GABRB1: variants seen among roughly 807,000 people sequenced by gnomAD.
The protein encoded by GABRB1 is gamma-aminobutyric acid receptor subunit beta-1.
In GABRB1, 17 loss-of-function variants were observed where a neutral mutation model predicts 51.6. That is an observed-to-expected ratio of 0.33 (90% CI 0.23 to 0.49). The LOEUF is 0.49. Among genes scored for constraint, GABRB1 ranks in the 20% least tolerant of loss-of-function variants. The pLI is 0.99. For synonymous variants in GABRB1, 247 were observed against 218.9 expected (o/e 1.13, Z -1.14); for missense variants, 410 against 600.6 (o/e 0.68, Z 3.32).
intron 3 of GABRB1, among the ~76,000 whole-genome samples, chr4:47,090,864 C>G (rs1332535033): frequency 1.3e-5 from 2 of 152,172 alleles, no homozygotes; most frequent in Non-Finnish European, 1.5e-5. Context: ...CTTCCCTACT[C>G]TTCTTTCATG....
intron 1 of GABRB1, among the ~76,000 whole-genome samples, chr4:47,019,051 G>A (rs1175164835): frequency 6.6e-6 from 1 of 152,044 alleles, no homozygotes; most frequent in Non-Finnish European, 1.5e-5. Context: ...GACATTTAAT[G>A]AGATCAAATG....
intron 1 of GABRB1, among the ~76,000 whole-genome samples, chr4:47,003,133 T>A (rs1027420017): frequency 4.6e-5 from 7 of 152,242 alleles, no homozygotes; most frequent in African/African-American, 1.4e-4. Flanking sequence ...ATTGTCTGAA[T>A]CTACTAAAGC....
chr4:47,360,613 T>G (rs1162558425), intron 5 of GABRB1, among the ~76,000 whole-genome samples: 2 of 152,130 alleles, frequency 1.3e-5, no homozygotes, highest in Non-Finnish European at 2.9e-5. Context: ...GAGCAAATCA[T>G]AATGCCTTTA....
intron 4 of GABRB1, among the ~76,000 whole-genome samples, chr4:47,244,975 G>A (rs1385097646): frequency 1.3e-5 from 2 of 151,972 alleles, no homozygotes; most frequent in African/African-American, 2.4e-5. Flanking sequence ...GCTAGCAGAA[G>A]GCAAGAAATA....
intron 4 of GABRB1, among the ~76,000 whole-genome samples, chr4:47,258,501 T>C (rs1372519582): frequency 1.3e-5 from 2 of 152,132 alleles, no homozygotes; most frequent in Non-Finnish European, 2.9e-5. Context: ...CCACCATCAA[T>C]TCCTAATAAT....
At chr4:47,305,881 G>T (rs1374193659) in intron 4 of GABRB1, among the ~76,000 whole-genome samples, 1 of 152,124 alleles carries the variant, frequency 6.6e-6, no homozygotes, top group African/African-American at 2.4e-5. Flanking sequence ...TTTAAAATAA[G>T]AGTGTAAGTG....
chr4:47,106,796 C>A (rs553794694), intron 3 of GABRB1, among the ~76,000 whole-genome samples: 1 of 152,068 alleles, frequency 6.6e-6, no homozygotes, highest in Non-Finnish European at 1.5e-5. Context: ...CAGACCTGTC[C>A]TACAATAAAT....
At chr4:47,190,446 C>T (rs138384388) in intron 4 of GABRB1, among the ~76,000 whole-genome samples, 3 of 152,060 alleles carry the variant, frequency 2.0e-5, no homozygotes, top group African/African-American at 7.2e-5. Context: ...GTGCTAACGG[C>T]TTTATGCACA....
At chr4:47,064,800 C>CA (rs1209617150) in intron 3 of GABRB1, among the ~76,000 whole-genome samples, 2 of 152,132 alleles carry the variant, frequency 1.3e-5, no homozygotes, top group Admixed American at 6.5e-5. Flanking sequence ...GATGCATCCT[C>CA]AAAGTCTAGA....
At chr4:47,041,337 T>C (rs1725826296) in intron 3 of GABRB1, among the ~76,000 whole-genome samples, 1 of 152,116 alleles carries the variant, frequency 6.6e-6, no homozygotes, top group Admixed American at 6.6e-5. Flanking sequence ...GGAAATCTAT[T>C]TAAGCAGTCT....
At chr4:47,269,452 C>A (rs1560306970) in intron 4 of GABRB1, among the ~76,000 whole-genome samples, 1 of 152,118 alleles carries the variant, frequency 6.6e-6, no homozygotes. Context: ...CAAATTAATT[C>A]TGTAAAATCA....
At chr4:47,101,097 C>T (rs1714700791) in intron 3 of GABRB1, among the ~76,000 whole-genome samples, 2 of 151,976 alleles carry the variant, frequency 1.3e-5, no homozygotes, top group Non-Finnish European at 2.9e-5. Context: ...GGAAGTTTTA[C>T]GTGGGCTCAT....
intron 1 of GABRB1, among the ~76,000 whole-genome samples, chr4:47,007,894 A>ATAT (rs1491436729): frequency 7.2e-4 from 24 of 33,412 alleles, no homozygotes; most frequent in Admixed American, 1.4e-3. Context: ...ATATATATAT[A>ATAT]AAATCAAGTT....
In GABRB1 at chr4:47,019,191, A is replaced by C. The variant is rs573106757; in HGVS notation, c.-19-12723A>C. Among the ~76,000 whole-genome samples the C allele has an allele frequency of 2.6e-5, 4 of 152,166 alleles. No individual in the cohort carries two copies. The South Asian group carries it at 8.3e-4, about 32-fold the overall frequency. On this transcript the variant is annotated intron_variant, in intron 1 of 3. Coordinates refer to the GABRB1 transcript ENST00000513567. Reference sequence around the variant, plus strand: ...ATGGCCTCATATTGGTTAATCTATCAACAATTTTTCCTAGATGCTCGGCCC... The same window carrying C: ...ATGGCCTCATATTGGTTAATCTATCCACAATTTTTCCTAGATGCTCGGCCC...
chr4:47,208,640 T>C (rs1280081174), intron 4 of GABRB1, among the ~76,000 whole-genome samples: 1 of 152,128 alleles, frequency 6.6e-6, no homozygotes, highest in Non-Finnish European at 1.5e-5. Flanking sequence ...AATGGATTTT[T>C]CTTAGGTTCA....
chr4:47,321,619 T>C (rs181499032), intron 5 of GABRB1, among the ~76,000 whole-genome samples: 6 of 152,320 alleles, frequency 3.9e-5, no homozygotes, highest in African/African-American at 1.4e-4. Flanking sequence ...CCCAATCATA[T>C]ACTAGTAGCT....
chr4:47,260,370 T>C (rs1328431429), intron 4 of GABRB1, among the ~76,000 whole-genome samples: 2 of 152,222 alleles, frequency 1.3e-5, no homozygotes. Flanking sequence ...CCTGTCATTA[T>C]GATGTTAGCT....
intron 5 of GABRB1, among the ~76,000 whole-genome samples, chr4:47,350,212 T>TAGAGAGAG (rs778764022): frequency 1.1e-3 from 97 of 85,606 alleles, no homozygotes; most frequent in South Asian, 5.9e-3. Flanking sequence ...TATATATATA[T>TAGAGAGAG]ATATATAGAG....
At chr4:47,055,546 AT>A (rs1726553413) in intron 3 of GABRB1, among the ~76,000 whole-genome samples, 2 of 152,104 alleles carry the variant, frequency 1.3e-5, no homozygotes, top group Admixed American at 6.5e-5. Flanking sequence ...AGAATGACTT[AT>A]TTTCTGCTAG....
Sources: gnomAD v4.1 joint callset for allele counts (sites outside exome capture counted in the v4.1 genomes callset) on GRCh38, gnomAD v4.1.1 for gene constraint, MANE v1.5 for transcripts, NCBI Gene and HGNC (gene_info 2026-07-23, HGNC 2026-07-21) for gene names.